The following RAB3C variants were observed in gnomAD, a reference collection of about 807,000 sequenced individuals.
RAB3C encodes RAB3C, member RAS oncogene family.
In RAB3C, 17 loss-of-function variants were observed where a neutral mutation model predicts 26.4. The ratio of observed to expected loss-of-function variants is 0.64; its 90% confidence interval spans 0.44 to 0.97. The LOEUF (loss-of-function observed/expected upper bound fraction) is 0.97, where lower values mean the gene tolerates loss of function less well. RAB3C is among the 50% of genes least tolerant of loss of function. RAB3C has a pLI of 0.00. For synonymous variants in RAB3C, 91 were observed against 95.9 expected, an observed-to-expected ratio of 0.95 and a Z score of 0.30; for missense variants, 242 against 281.9, an observed-to-expected ratio of 0.86 and a Z score of 1.01.
chr5:58,636,748 G>A (rs192150288), intron 2 of RAB3C, among the ~76,000 whole-genome samples: 234 of 152,172 alleles, frequency 1.5e-3, no homozygotes, highest in Middle Eastern at 3.4e-3. Context: ...TCTCCTTTTC[G>A]TTCCCGAAGA....
chr5:58,746,934 G>T (rs1391435244), intron 3 of RAB3C, among the ~76,000 whole-genome samples: 1 of 152,208 alleles, frequency 6.6e-6, no homozygotes, highest in African/African-American at 2.4e-5. Flanking sequence ...TCCATCAGGA[G>T]ACACATCCCA....
At chr5:58,774,424 AGTCTCT>A (rs1168780986) in intron 3 of RAB3C, among the ~76,000 whole-genome samples, 1 of 152,108 alleles carries the variant, frequency 6.6e-6, no homozygotes, top group African/African-American at 2.4e-5. Flanking sequence ...AACATGCTTA[AGTCTCT>A]GTCTCTGTCT....
intron 2 of RAB3C, among the ~76,000 whole-genome samples, chr5:58,696,110 T>C (rs1407360848): frequency 2.0e-5 from 3 of 152,344 alleles, no homozygotes; most frequent in East Asian, 3.9e-4. Context: ...AATACTTAGT[T>C]TATTAAGAAT....
chr5:58,793,496 G>T (rs1478217747), intron 3 of RAB3C, among the ~76,000 whole-genome samples: 1 of 148,092 alleles, frequency 6.8e-6, no homozygotes, highest in Non-Finnish European at 1.5e-5. Context: ...GGCGGAGGTT[G>T]CAGTGAGCCA....
At chr5:58,833,280 C>T (rs1287753712) in intron 4 of RAB3C, among the ~76,000 whole-genome samples, 3 of 149,952 alleles carry the variant, frequency 2.0e-5, no homozygotes, top group Admixed American at 6.7e-5. Flanking sequence ...GCTGTACATT[C>T]GAACCACCTA....
intron 2 of RAB3C, among the ~76,000 whole-genome samples, chr5:58,685,112 C>T (rs953077226): frequency 1.2e-4 from 19 of 152,246 alleles, no homozygotes; most frequent in African/African-American, 4.3e-4. Context: ...GAGACACATA[C>T]AGATACATGC....
intron 3 of RAB3C, among the ~76,000 whole-genome samples, chr5:58,802,220 C>T (rs1742825121): frequency 6.6e-6 from 1 of 152,076 alleles, no homozygotes; most frequent in Non-Finnish European, 1.5e-5. Flanking sequence ...CCCCCTTTAC[C>T]TTCATTTTGA....
At chr5:58,801,032 T>C (rs901805652) in intron 3 of RAB3C, among the ~76,000 whole-genome samples, 6 of 152,164 alleles carry the variant, frequency 3.9e-5, no homozygotes, top group African/African-American at 1.4e-4. Flanking sequence ...AGGATATCAC[T>C]GGGGCTGCAA....
rs1740885476 is a variant in RAB3C at position 58,726,200 on chromosome 5, A to G, written c.371+80A>G. 3 of 691,400 alleles carry G rather than the reference A, an allele frequency of 4.3e-6. No homozygotes were observed. In the Middle Eastern group the frequency reaches 7.6e-4, roughly 176 times the overall value. The allele number at this position is 691,400 out of a possible 1,614,324, so 42.8% of individuals were successfully genotyped here. On this transcript the variant is annotated intron_variant, in intron 3 of 4. Coordinates refer to ENST00000282878, the MANE Select transcript of RAB3C (RefSeq NM_138453.4). ...TGTCTTTCTTCCCAAAGCAGTGACC[A>G]TACCGCAATGTAATATATGTGTTTA... is the stretch of plus-strand genomic sequence containing the variant.
intron 1 of RAB3C, among the ~76,000 whole-genome samples, chr5:58,598,253 CATTATATAT>C (rs1746370805): frequency 7.2e-6 from 1 of 138,534 alleles, no homozygotes; most frequent in Non-Finnish European, 1.5e-5. Flanking sequence ...ATATGTAATA[CATTATATAT>C]ATATATATAG....
At position 58,728,714 on chromosome 5, in the gene RAB3C, T is replaced by C. The variant is rs142370207; in HGVS notation, c.371+2594T>C. Among the ~76,000 whole-genome samples the C allele has an allele frequency of 4.2e-3, 635 of 152,128 alleles. 1 individual carries two copies. Among genetic ancestry groups the C allele is most frequent in the Non-Finnish European group, 6.4e-3 (436 of 67,968 alleles). On this transcript the variant is annotated intron_variant, in intron 3 of 4. Transcript: ENST00000282878. The stretch of plus-strand genomic sequence containing the variant: ...AAATCTCCCGTGAGATACACGGGCA[T>C]ATGAATTTTTCAAGGCTCCACAGGT...
At chr5:58,602,932 G>A (rs1156745243) in intron 1 of RAB3C, among the ~76,000 whole-genome samples, 1 of 152,120 alleles carries the variant, frequency 6.6e-6, no homozygotes, top group Non-Finnish European at 1.5e-5. Flanking sequence ...CTTTAATAAG[G>A]TTCTGTTTTG....
chr5:58,604,023 C>G (rs1388853034), intron 1 of RAB3C, among the ~76,000 whole-genome samples: 1 of 152,194 alleles, frequency 6.6e-6, no homozygotes, highest in Non-Finnish European at 1.5e-5. Flanking sequence ...GTACTCTCCC[C>G]CTTTTCCTGT....
intron 3 of RAB3C, among the ~76,000 whole-genome samples, chr5:58,801,530 T>A (rs1298643674): frequency 6.6e-6 from 1 of 152,218 alleles, no homozygotes; most frequent in Non-Finnish European, 1.5e-5. Flanking sequence ...ATTTTTAAAA[T>A]CCTGAAGTTC....
intron 3 of RAB3C, among the ~76,000 whole-genome samples, chr5:58,790,961 C>T (rs1742510984): frequency 6.6e-6 from 1 of 152,026 alleles, no homozygotes; most frequent in Non-Finnish European, 1.5e-5. Flanking sequence ...TTCCTCCTTT[C>T]TCACTCTGTC....
At chr5:58,824,285 A>T (rs1036670285) in intron 3 of RAB3C, among the ~76,000 whole-genome samples, 4 of 151,766 alleles carry the variant, frequency 2.6e-5, no homozygotes, top group African/African-American at 9.7e-5. Flanking sequence ...TAAAAAAAAA[A>T]TACCCTGCAG....
At chr5:58,647,170 A>G (rs1747538310) in intron 2 of RAB3C, among the ~76,000 whole-genome samples, 1 of 152,238 alleles carries the variant, frequency 6.6e-6, no homozygotes, top group East Asian at 1.9e-4. Context: ...ACAGCTTTGT[A>G]GCTACAAAGA....
At chr5:58,676,189 C>G in intron 2 of RAB3C, among the ~76,000 whole-genome samples, 1 of 152,146 alleles carries the variant, frequency 6.6e-6, no homozygotes, top group East Asian at 1.9e-4. Flanking sequence ...ATTCAGACAA[C>G]CTTCTCTCTA....
chr5:58,746,970 T>C (rs1041830502), intron 3 of RAB3C, among the ~76,000 whole-genome samples: 1 of 152,218 alleles, frequency 6.6e-6, no homozygotes, highest in African/African-American at 2.4e-5. Flanking sequence ...CTGTGGAAAC[T>C]AGGACTGAAG....
Sources: gnomAD v4.1 joint callset for allele counts (sites outside exome capture counted in the v4.1 genomes callset) on GRCh38, gnomAD v4.1.1 for gene constraint, MANE v1.5 for transcripts, NCBI Gene and HGNC (gene_info 2026-07-23, HGNC 2026-07-21) for gene names.